Variants in MAGI2 observed in about 807,000 individuals in gnomAD.
MAGI2 encodes membrane associated guanylate kinase, WW and PDZ domain containing 2, also known as membrane-associated guanylate kinase, WW and PDZ domain-containing protein 2.
In MAGI2, 35 loss-of-function variants were observed where a neutral mutation model predicts 133.3. The ratio of observed to expected loss-of-function variants is 0.26; its 90% CI spans 0.20 to 0.35. The LOEUF is 0.35. Ranked by LOEUF, MAGI2 falls within the 10% of genes least tolerant of loss-of-function variation. The pLI, the probability that MAGI2 is intolerant of heterozygous loss-of-function variation, is 1.00. For synonymous variants in MAGI2, 729 were observed against 710.6 expected (o/e 1.03, Z -0.41); for missense variants, 1,636 against 1,863.4 (o/e 0.88, Z 2.25).
chr7:78,420,416 A>T (rs1158050310), intron 6 of MAGI2, among the ~76,000 whole-genome samples: 2 of 152,202 alleles, frequency 1.3e-5, no homozygotes, highest in African/African-American at 2.4e-5. Flanking sequence ...GAGAAATAAA[A>T]ATCCAATAAA....
chr7:78,093,748 T>C (rs1426800377), intron 20 of MAGI2, among the ~76,000 whole-genome samples: 2 of 152,238 alleles, frequency 1.3e-5, no homozygotes, highest in Non-Finnish European at 2.9e-5. Flanking sequence ...TTGATACTTA[T>C]GCCACGAGAT....
intron 1 of MAGI2, among the ~76,000 whole-genome samples, chr7:79,118,542 T>A (rs1819601744): frequency 6.6e-6 from 1 of 152,278 alleles, no homozygotes; most frequent in African/African-American, 2.4e-5. Flanking sequence ...TTCAACTTAA[T>A]CAGCATATTT....
intron 1 of MAGI2, among the ~76,000 whole-genome samples, chr7:79,170,396 A>C (rs1000977890): frequency 6.6e-6 from 1 of 151,838 alleles, no homozygotes; most frequent in African/African-American, 2.4e-5. Context: ...AGTTGGTCTC[A>C]AACTTCTAGC....
intron 20 of MAGI2, among the ~76,000 whole-genome samples, chr7:78,087,606 A>C (rs1816776406): frequency 6.6e-6 from 1 of 152,190 alleles, no homozygotes; most frequent in African/African-American, 2.4e-5. Flanking sequence ...TTTTCTGGAA[A>C]TATCATTGAG....
At position 78,612,908 on chromosome 7, in the gene MAGI2, G is replaced by A. The variant is rs1471643227; in HGVS notation, c.538+14212C>T. Among the ~76,000 whole-genome samples, 6 of 152,212 alleles carry A rather than the reference G, an allele frequency of 3.9e-5. No individual in the cohort carries two copies. In the East Asian group the frequency reaches 7.7e-4, roughly 20 times the overall value. The stretch of plus-strand genomic sequence containing the variant: ...GATGGTCTCGATCTCCTGACCTCGT[G>A]ATCCGCCCGCCTCGGCCTCCCAAAG... On this transcript the variant is annotated intron_variant, in intron 3 of 21. Coordinates refer to ENST00000354212, the MANE Select transcript of MAGI2 (RefSeq NM_012301.4).
intron 15 of MAGI2, among the ~76,000 whole-genome samples, chr7:78,161,866 G>A: frequency 6.6e-6 from 1 of 152,210 alleles, no homozygotes; most frequent in Non-Finnish European, 1.5e-5. Flanking sequence ...TAAAGGAAAA[G>A]ATGGATGCTT....
intron 16 of MAGI2, among the ~76,000 whole-genome samples, chr7:78,157,365 G>T (rs1824499017): frequency 6.6e-6 from 1 of 152,192 alleles, no homozygotes; most frequent in South Asian, 2.1e-4. Context: ...TTAAATTTTG[G>T]AGGTCAGTCT....
chr7:79,197,664 G>C lies in MAGI2; in HGVS notation c.302-190458C>G, dbSNP rs1378656520. ...CTGCTGTAACAAAATACCTTAAATT[G>C]GGTAATTTATAAGCAACAGAAATTT... On this transcript the variant is annotated intron_variant, in intron 1 of 21. Transcript: ENST00000354212. Among the ~76,000 whole-genome samples, 5 of 151,910 alleles carry C rather than the reference G, an allele frequency of 3.3e-5. No individual in the cohort carries two copies. The East Asian group carries it at 9.7e-4, about 29-fold the overall frequency.
chr7:79,264,433 G>A (rs1368180517), intron 1 of MAGI2, among the ~76,000 whole-genome samples: 2 of 152,044 alleles, frequency 1.3e-5, no homozygotes, highest in Non-Finnish European at 2.9e-5. Context: ...TTATTTTACT[G>A]CTCACTTCCT....
At chr7:79,440,652 A>G (rs190683374) in intron 1 of MAGI2, among the ~76,000 whole-genome samples, 110 of 152,262 alleles carry the variant, frequency 7.2e-4, no homozygotes, top group Non-Finnish European at 1.3e-3. Flanking sequence ...GGAATAAAAC[A>G]TATTTTTCCA....
At chr7:79,143,505 C>A (rs1208536505) in intron 1 of MAGI2, among the ~76,000 whole-genome samples, 2 of 152,192 alleles carry the variant, frequency 1.3e-5, no homozygotes, top group Non-Finnish European at 2.9e-5. Flanking sequence ...GATGACCATG[C>A]TCCATTTGCT....
At position 79,185,249 on chromosome 7, in the gene MAGI2, T is replaced by C. The variant is rs117579814; in HGVS notation, c.302-178043A>G. On this transcript the variant is annotated intron_variant, in intron 1 of 21. Coordinates refer to ENST00000354212, the MANE Select transcript of MAGI2 (RefSeq NM_012301.4). ...AATCCAAACTCCATTGGTATCTTTC[T>C]AGGGAAATGAAATGCGTATCTCCAA... Among the ~76,000 whole-genome samples the C allele has an allele frequency of 2.0e-3, 298 of 152,038 alleles. 9 individuals are homozygous for C. The East Asian group carries it at 0.051, about 26-fold the overall frequency.
chr7:78,734,763 G>A (rs1821689010), intron 2 of MAGI2, among the ~76,000 whole-genome samples: 1 of 152,158 alleles, frequency 6.6e-6, no homozygotes, highest in Non-Finnish European at 1.5e-5. Flanking sequence ...CGTGGGGGCA[G>A]ATCTGTCAAA....
intron 21 of MAGI2, among the ~76,000 whole-genome samples, chr7:78,067,300 A>G (rs1018194495): frequency 6.6e-6 from 1 of 152,170 alleles, no homozygotes; most frequent in African/African-American, 2.4e-5. Context: ...GTGCCAGGAG[A>G]CCTCATGCCC....
chr7:79,281,939 T>G (rs2129558043), intron 1 of MAGI2, among the ~76,000 whole-genome samples: 1 of 152,288 alleles, frequency 6.6e-6, no homozygotes, highest in African/African-American at 2.4e-5. Flanking sequence ...TTATCATTCC[T>G]GTGAGATTTT....
chr7:78,270,689 T>C (rs1422106922), intron 9 of MAGI2, among the ~76,000 whole-genome samples: 3 of 150,954 alleles, frequency 2.0e-5, no homozygotes, highest in Non-Finnish European at 4.5e-5. Context: ...TTCTAAATAA[T>C]GGGAGACGTT....
Position 78,608,890 on chromosome 7 carries a change from A to G in MAGI2, c.538+18230T>C, listed in dbSNP as rs573229500. ...GAGGGGCAGAACTAATAGAATGTCTATATCTATCTACATATGGGAGTTTAT... is the reference window on the plus strand; with the variant it reads ...GAGGGGCAGAACTAATAGAATGTCTGTATCTATCTACATATGGGAGTTTAT... On this transcript the variant is annotated intron_variant, in intron 3 of 21. Transcript: ENST00000354212. 2.6e-5 allele frequency among the ~76,000 whole-genome samples: 4 copies of G among 152,264 alleles called. No individual in the cohort carries two copies. The East Asian group carries it at 7.7e-4, about 29-fold the overall frequency.
chr7:78,909,497 G>C (rs1584359700), intron 2 of MAGI2, among the ~76,000 whole-genome samples: 1 of 150,454 alleles, frequency 6.6e-6, no homozygotes, highest in African/African-American at 2.4e-5. Flanking sequence ...CAGCTATTCC[G>C]GAGGCTGAGG....
Position 78,109,075 on chromosome 7 carries a change from C to A in MAGI2, c.3567+16619G>T, listed in dbSNP as rs997514673. On this transcript the variant is annotated intron_variant, in intron 20 of 21. Coordinates refer to ENST00000354212, the MANE Select transcript of MAGI2 (RefSeq NM_012301.4). ...ATCCCAGCACTTTGGGAGGCCGAGG[C>A]GGGCGGATCACGAGGTCAGGAGATT... is the stretch of plus-strand genomic sequence containing the variant. Among the ~76,000 whole-genome samples the A allele has an allele frequency of 2.0e-5, 3 of 149,642 alleles. 1 individual carries two copies. The highest frequency in any genetic ancestry group is 4.5e-5 in the Non-Finnish European group (3 of 67,344).
Sources: allele counts gnomAD v4.1 joint callset (sites outside exome capture counted in the v4.1 genomes callset), GRCh38; gene constraint gnomAD v4.1.1; transcripts MANE v1.5; gene names NCBI Gene and HGNC (gene_info 2026-07-23, HGNC 2026-07-21).